The following KATNIP variants were observed in gnomAD, a reference collection of about 807,000 sequenced individuals.
KATNIP encodes the protein katanin-interacting protein.
KATNIP carries 126 observed loss-of-function variants against 174.0 expected under a neutral mutation model. The observed-to-expected ratio is 0.72, with a 90% CI of 0.63 to 0.84. The LOEUF (loss-of-function observed/expected upper bound fraction) is 0.84. Ranked by LOEUF, KATNIP falls within the 40% of genes least tolerant of loss-of-function variation. The pLI, the probability that KATNIP is intolerant of heterozygous loss-of-function variation, is 0.00. For synonymous variants in KATNIP, 810 were observed against 835.7 expected, an observed-to-expected ratio of 0.97 and a Z score of 0.53; for missense variants, 1,958 against 2,109.7, an observed-to-expected ratio of 0.93 and a Z score of 1.41.
chr16:27,713,830 A>G (rs1460940716), intron 13 of KATNIP, among the ~76,000 whole-genome samples: 14 of 69,116 alleles, frequency 2.0e-4, no homozygotes, highest in African/African-American at 8.2e-4. Context: ...ATATATATAT[A>G]TATATATATA....
chr16:27,635,415 A>T (rs1321566928), intron 5 of KATNIP, among the ~76,000 whole-genome samples: 1 of 152,144 alleles, frequency 6.6e-6, no homozygotes, highest in Admixed American at 6.5e-5. Context: ...GGCCCCCTCC[A>T]GTCTAGAGCA....
chr16:27,557,197 A>G (rs2089665152), intron 1 of KATNIP, among the ~76,000 whole-genome samples: 1 of 150,422 alleles, frequency 6.6e-6, no homozygotes, highest in African/African-American at 2.5e-5. Context: ...GCTGGAGTAC[A>G]GTGGCGCGAT....
rs750542427 is a variant in KATNIP, at chr16:27,631,122, G to A, written c.368G>A (p.Arg123Gln). ...GAAGAAGCCTTAAGACGCAGTTCAC[G>A]GACAGCCCCCAGTAAAGTCCAGCGC... ...EAEEALRRSS[R>Q]TAPSKVQRRG... Residue 123 changes from arginine to glutamine, a missense_variant, in exon 5 of 28, where the codon CGG becomes CAG. Physicochemically the swap from Arg to Gln is conservative, Grantham distance 43 (BLOSUM62 1). Transcript: ENST00000261588. 2 of 1,577,504 alleles carry A rather than the reference G, an allele frequency of 1.3e-6. No homozygotes were observed. The highest frequency in any genetic ancestry group is 2.3e-5 in the East Asian group (1 of 43,300).
At chr16:27,552,205 G>A (rs1394023852) in intron 1 of KATNIP, among the ~76,000 whole-genome samples, 1 of 152,028 alleles carries the variant, frequency 6.6e-6, no homozygotes, top group African/African-American at 2.4e-5. Flanking sequence ...TTCTGCTTCA[G>A]GATTCAAACT....
intron 12 of KATNIP, 42 bp from the exon 13 acceptor site, chr16:27,708,663 G>A (rs749251138): frequency 1.9e-5 from 29 of 1,539,922 alleles, no homozygotes; most frequent in Non-Finnish European, 2.6e-5. Context: ...ATTCAAGCCT[G>A]TCATGACTTA....
intron 2 of KATNIP, among the ~76,000 whole-genome samples, chr16:27,586,828 C>CA (rs561285567): frequency 0.046 from 3,752 of 82,180 alleles, 96 homozygotes; most frequent in East Asian, 0.2. Flanking sequence ...GACCCTGTCT[C>CA]AAAAAAAAAA....
At chr16:27,609,491 T>C (rs1162118889) in intron 2 of KATNIP, among the ~76,000 whole-genome samples, 2 of 135,058 alleles carry the variant, frequency 1.5e-5, no homozygotes, top group African/African-American at 5.5e-5. Context: ...CCCAGGTTCA[T>C]ACCATTCTTC....
At chr16:27,638,420 G>A (rs2076699446) in intron 5 of KATNIP, among the ~76,000 whole-genome samples, 1 of 152,214 alleles carries the variant, frequency 6.6e-6, no homozygotes, top group South Asian at 2.1e-4. Context: ...ATGGTAGACA[G>A]TCCATGGAGA....
At chr16:27,759,043 T>G (rs1177150038) in intron 18 of KATNIP, among the ~76,000 whole-genome samples, 1 of 152,262 alleles carries the variant, frequency 6.6e-6, no homozygotes, top group Non-Finnish European at 1.5e-5. Flanking sequence ...AGTTTTCGTT[T>G]GTCTCATTTA....
At chr16:27,574,533 A>AGTGTCACT (rs1212613592) in intron 2 of KATNIP, among the ~76,000 whole-genome samples, 1 of 147,528 alleles carries the variant, frequency 6.8e-6, no homozygotes, top group East Asian at 2.0e-4. Context: ...CAAGTCACAC[A>AGTGTCACT]GTGTCACTTC....
intron 14 of KATNIP, among the ~76,000 whole-genome samples, chr16:27,734,208 C>T (rs2080811985): frequency 6.6e-6 from 1 of 151,778 alleles, no homozygotes; most frequent in Admixed American, 6.6e-5. Context: ...TCAGCCTCTC[C>T]AGTAGCTGAG....
intron 13 of KATNIP, among the ~76,000 whole-genome samples, chr16:27,710,760 A>C (rs192473770): frequency 5.7e-4 from 87 of 152,288 alleles, no homozygotes; most frequent in Non-Finnish European, 9.7e-4. Context: ...TGGCCTCCCA[A>C]AGTGCTGGAA....
intron 2 of KATNIP, among the ~76,000 whole-genome samples, chr16:27,617,042 G>GTAC (rs2076061175): frequency 6.6e-6 from 1 of 151,716 alleles, no homozygotes; most frequent in African/African-American, 2.4e-5. Flanking sequence ...AGTTTTACTG[G>GTAC]TACATGCATA....
Position 27,561,474 on chromosome 16 carries a change from G to A in KATNIP, c.7+11297G>A, listed in dbSNP as rs149161121. 6.3e-3 allele frequency among the ~76,000 whole-genome samples: 956 copies of A among 152,216 alleles called. 9 individuals carry two copies. The highest frequency in any genetic ancestry group is 7.3e-3 in the Non-Finnish European group (498 of 68,024). ...TCCTGGCCCAATTTCGTTTCCTAGT[G>A]AAGTCACTTTCTCTCCCAGCTCCCA... On this transcript the variant is annotated intron_variant, in intron 1 of 27. Coordinates refer to ENST00000261588, the MANE Select transcript of KATNIP (RefSeq NM_015202.5).
At chr16:27,665,462 C>T (rs1326144241) in intron 6 of KATNIP, among the ~76,000 whole-genome samples, 1 of 151,994 alleles carries the variant, frequency 6.6e-6, no homozygotes, top group Admixed American at 6.6e-5. Flanking sequence ...TGCTTTCTGC[C>T]ATGATTGGAA....
chr16:27,713,320 A>C (rs961938337), intron 13 of KATNIP, among the ~76,000 whole-genome samples: 1 of 152,116 alleles, frequency 6.6e-6, no homozygotes, highest in East Asian at 1.9e-4. Context: ...ATATGTATGT[A>C]TGTATTGCAC....
At chr16:27,572,972 C>G (rs993302575) in intron 1 of KATNIP, among the ~76,000 whole-genome samples, 7 of 152,248 alleles carry the variant, frequency 4.6e-5, no homozygotes, top group African/African-American at 1.7e-4. Context: ...GCTGTGACCC[C>G]TCCCCTACCC....
At chr16:27,632,833 C>T (rs1597003540) in intron 5 of KATNIP, among the ~76,000 whole-genome samples, 1 of 152,154 alleles carries the variant, frequency 6.6e-6, no homozygotes, top group East Asian at 1.9e-4. Context: ...TCACTGCAAC[C>T]TCTGCCTCCC....
At chr16:27,648,517 C>A (rs1349487885) in intron 5 of KATNIP, 87 bp from the exon 6 acceptor site, 8 of 1,519,524 alleles carry the variant, frequency 5.3e-6, no homozygotes, top group Non-Finnish European at 7.2e-6. Context: ...TAGATCCTGG[C>A]TGAACCTCTC....
Sources: gnomAD v4.1 joint callset for allele counts (sites outside exome capture counted in the v4.1 genomes callset) on GRCh38, gnomAD v4.1.1 for gene constraint, MANE v1.5 for transcripts, NCBI Gene and HGNC (gene_info 2026-07-23, HGNC 2026-07-21) for gene names.